The following PITRM1 variants were observed in gnomAD, a reference collection of about 807,000 sequenced individuals.
The protein encoded by PITRM1 is pitrilysin metallopeptidase 1.
A neutral mutation model predicts 129.9 loss-of-function variants in PITRM1; 100 were observed. The observed-to-expected ratio is 0.77, with a 90% confidence interval of 0.65 to 0.91. PITRM1 has a LOEUF of 0.91. Among genes scored for constraint, PITRM1 ranks in the 40% least tolerant of loss-of-function variants. The probability of loss-of-function intolerance (pLI) is 0.00; values close to 1 mark genes in which losing one functional copy is unlikely to be tolerated. For missense variants in PITRM1, 1,471 were observed against 1,318.3 expected (o/e 1.12, Z -1.79); for synonymous variants, 591 against 508.8 (o/e 1.16, Z -2.17).
rs148381479 is a variant in PITRM1 at position 3,155,323 on chromosome 10, G to A, written c.1621+268C>T. Among the ~76,000 whole-genome samples the A allele has an allele frequency of 1.2e-3, 183 of 152,274 alleles. 5 individuals are homozygous for A. In the East Asian group the frequency reaches 0.019, roughly 16 times the overall value. On this transcript the variant is annotated intron_variant, in intron 14 of 26. Coordinates refer to ENST00000224949, the MANE Select transcript of PITRM1 (RefSeq NM_014889.4). ...CAGAACAATGGTACTGGCATATTAC[G>A]GCACCTGATAAAAGTATTTACAAAA...
intron 7 of PITRM1, among the ~76,000 whole-genome samples, chr10:3,161,878 G>T (rs1198060372): frequency 1.3e-5 from 2 of 148,964 alleles, no homozygotes; most frequent in Non-Finnish European, 3.0e-5. Context: ...AGAAAAGAAA[G>T]AACTCTCTTC....
chr10:3,138,687 A>G (rs1839860115), intron 25 of PITRM1: 1 of 668,798 alleles, frequency 1.5e-6, no homozygotes, highest in Non-Finnish European at 2.7e-6. Flanking sequence ...GGTTGGCCCC[A>G]CTGGGTCTCA....
intron 14 of PITRM1, among the ~76,000 whole-genome samples, chr10:3,152,973 C>T (rs1019056878): frequency 1.3e-5 from 2 of 152,256 alleles, no homozygotes; most frequent in Non-Finnish European, 2.9e-5. Flanking sequence ...AAGACACACA[C>T]AAGACCAGAA....
rs768575153 is a variant in PITRM1 at position 3,138,075 on chromosome 10, C to T, written c.3070G>A (p.Glu1024Lys). 4.2e-5 allele frequency: 67 copies of T among 1,610,324 alleles called. No individual in the cohort carries two copies. The highest frequency in any genetic ancestry group is 5.3e-5 in the Non-Finnish European group (62 of 1,178,636). The change falls in exon 27 of 27, where the codon GAG (glutamate) becomes AAG (lysine). Residue 1024 changes from glutamate to lysine, a missense_variant. Physicochemically the swap from Glu to Lys is moderately conservative, Grantham distance 56. Transcript: ENST00000224949. ...STHGLAILGP[E>K]NPKIAKDPSW... is the part of the protein sequence containing the mutation. ...GGGTCCTTGGCAATTTTCGGGTTCT[C>T]GGGTCCGAGGATGGCCAGGCCGTGT... is the stretch of plus-strand genomic sequence containing the variant.
At chr10:3,145,891 G>A in intron 20 of PITRM1, 175 bp from the exon 21 acceptor site, 1 of 599,472 alleles carries the variant, frequency 1.7e-6, no homozygotes, top group South Asian at 2.0e-5. Flanking sequence ...AGTGCTTCAG[G>A]TTATCAAGAG....
chr10:3,151,187 G>A (rs1841478978), intron 15 of PITRM1, 60 bp downstream of exon 15: 2 of 896,136 alleles, frequency 2.2e-6, no homozygotes, highest in South Asian at 1.4e-5. Context: ...TCTGTGAGGA[G>A]TGACATTTAA....
intron 10 of PITRM1, 73 bp from the exon 11 acceptor site, chr10:3,158,226 TA>T: frequency 2.3e-6 from 2 of 854,624 alleles, no homozygotes; most frequent in Non-Finnish European, 1.9e-6. Context: ...ATGCTTGATT[TA>T]AAGATCAGAA....
rs748983534 is a variant in PITRM1, at chr10:3,158,114, G to A, written c.1176C>T (p.Gly392=). 6.2e-7 allele frequency: 1 copy of A among 1,609,774 alleles called. No individual in the cohort carries two copies. Among genetic ancestry groups the A allele is most frequent in the Non-Finnish European group, 8.5e-7 (1 of 1,177,112 alleles). ...GYTREAYFSV[G]LQGIAEKDIE... is the part of the protein sequence containing the mutation. ...TGTCTTTCTCCGCAATCCCTTGGAG[G>A]CCGACACTAAAGTAGGCCTCCCTCG... Residue 392 remains glycine, a synonymous_variant, in exon 11 of 27, where the codon GGC becomes GGT. Transcript: ENST00000224949.
chr10:3,143,337 A>T (rs1321461711), intron 23 of PITRM1, 52 bp downstream of exon 23: 2 of 1,154,804 alleles, frequency 1.7e-6, no homozygotes, highest in African/African-American at 3.0e-5. Context: ...CAGCCTTGAC[A>T]AGCTCTTCCG....
chr10:3,161,729 C>G (rs2132479015), intron 7 of PITRM1, among the ~76,000 whole-genome samples: 1 of 152,036 alleles, frequency 6.6e-6, no homozygotes, highest in East Asian at 1.9e-4. Flanking sequence ...GGGCCCACAG[C>G]TGGGGCAAAT....
At chr10:3,169,738 A>C (rs1843183387) in intron 2 of PITRM1, among the ~76,000 whole-genome samples, 1 of 152,238 alleles carries the variant, frequency 6.6e-6, no homozygotes, top group African/African-American at 2.4e-5. Context: ...GTTTAGAGCA[A>C]GCTATTTGAT....
At position 3,138,217 on chromosome 10, in the gene PITRM1, C is replaced by T. The variant is rs773472356; in HGVS notation, c.3020+18G>A. The T allele has an allele frequency of 6.2e-7, 1 of 1,602,324 alleles. No homozygotes were observed. The highest frequency in any genetic ancestry group is 8.6e-7 in the Non-Finnish European group (1 of 1,169,368). ...GGGCTTCCAGTCCCAGACGCTGTCT[C>T]CCCCGCTCCCCACTCACCTATCGCT... On this transcript the variant is annotated intron_variant, in intron 26 of 26. Coordinates refer to ENST00000224949, the MANE Select transcript of PITRM1 (RefSeq NM_014889.4).
Position 3,163,840 on chromosome 10 carries a change from G to T in PITRM1, c.676C>A (p.Leu226Ile). The part of the protein sequence containing the change: ...IFSQHLQNRL[L>I]PDHTYSVVSG... ...ACCACTGAGTACGTGTGGTCAGGAA[G>T]AAGTCTGTTCTGAAGGTGCTGGGAG... Residue 226 changes from leucine to isoleucine, a missense_variant, in exon 7 of 27, where the codon CTT (leucine) becomes ATT (isoleucine). By Grantham distance (5) the Leu-to-Ile change is conservative. Transcript: ENST00000224949. 2 of 1,612,378 alleles carry T rather than the reference G, an allele frequency of 1.2e-6. No individual in the cohort carries two copies. Among genetic ancestry groups the T allele is most frequent in the Non-Finnish European group, 1.7e-6 (2 of 1,178,982 alleles).
chr10:3,157,558 T>C lies in PITRM1; in HGVS notation c.1251-27A>G, dbSNP rs746466530. 1.8e-5 allele frequency: 25 copies of C among 1,419,690 alleles called. No individual in the cohort carries two copies. The East Asian group carries it at 5.0e-4, about 29-fold the overall frequency. The allele number at this position is 1,419,690 out of a possible 1,614,324, so 87.9% of individuals were successfully genotyped here. A position where few individuals can be genotyped will look rare whatever the true frequency, so the allele number is the denominator to read the frequency against. On this transcript the variant is annotated intron_variant, in intron 11 of 26. Transcript: ENST00000224949. ...TAAAGAATACAATGAAGAACAAAGATGGGCCAGACACAATGGCTCATGCTT... is the reference window on the plus strand; with the variant it reads ...TAAAGAATACAATGAAGAACAAAGACGGGCCAGACACAATGGCTCATGCTT...
At chr10:3,153,104 C>A (rs139559416) in intron 14 of PITRM1, among the ~76,000 whole-genome samples, 17 of 152,360 alleles carry the variant, frequency 1.1e-4, no homozygotes, top group African/African-American at 3.6e-4. Flanking sequence ...TGAAGACTTA[C>A]TGACCTGAAA....
chr10:3,142,429 C>T (rs1372517409), intron 23 of PITRM1, among the ~76,000 whole-genome samples: 1 of 152,252 alleles, frequency 6.6e-6, no homozygotes, highest in Non-Finnish European at 1.5e-5. Context: ...TTGGTTTAGT[C>T]CCTCATGGGG....
intron 23 of PITRM1, among the ~76,000 whole-genome samples, chr10:3,142,334 C>T (rs939810734): frequency 2.0e-5 from 3 of 152,250 alleles, no homozygotes; most frequent in African/African-American, 7.2e-5. Flanking sequence ...GACACACGTG[C>T]ACCTCGGAGG....
At chr10:3,138,389 G>C in intron 25 of PITRM1, 52 bp from the exon 26 acceptor site, 1 of 1,243,826 alleles carries the variant, frequency 8.0e-7, no homozygotes, top group Non-Finnish European at 1.2e-6. Context: ...AGCTCGCGTT[G>C]TGGGCTGTGC....
chr10:3,169,016 G>A (rs11251748), intron 2 of PITRM1, among the ~76,000 whole-genome samples: 1 of 143,962 alleles, frequency 6.9e-6, no homozygotes, highest in African/African-American at 2.6e-5. Flanking sequence ...CAAGAGGATC[G>A]CTTGAGCCCA....
Sources: gnomAD v4.1 joint callset for allele counts (sites outside exome capture counted in the v4.1 genomes callset) on GRCh38, gnomAD v4.1.1 for gene constraint, MANE v1.5 for transcripts, NCBI Gene and HGNC (gene_info 2026-07-23, HGNC 2026-07-21) for gene names.